MICU1: variants seen among roughly 807,000 people sequenced by gnomAD.
MICU1 encodes the protein mitochondrial calcium uptake 1, also known as calcium uptake protein 1, mitochondrial.
In MICU1, 45 loss-of-function variants were observed where a neutral mutation model predicts 56.8. The observed-to-expected ratio is 0.79, with a 90% CI of 0.62 to 1.02. MICU1 has a LOEUF of 1.02. Among genes scored for constraint, MICU1 ranks in the 50% least tolerant of loss-of-function variants. MICU1 has a pLI of 0.00. For missense variants in MICU1, 504 were observed against 587.1 expected, an observed-to-expected ratio of 0.86 and a Z score of 1.46; for synonymous variants, 186 against 195.1, an observed-to-expected ratio of 0.95 and a Z score of 0.39.
chr10:72,421,016 A>AAT (rs780940697), intron 9 of MICU1, among the ~76,000 whole-genome samples: 32,807 of 121,970 alleles, frequency 0.27, 5,836 homozygotes, highest in Non-Finnish European at 0.42. Flanking sequence ...AAAAAAAAAA[A>AAT]AATAATAATA....
At chr10:72,542,683 A>C (rs1839802830) in intron 4 of MICU1, among the ~76,000 whole-genome samples, 1 of 152,234 alleles carries the variant, frequency 6.6e-6, no homozygotes, top group Non-Finnish European at 1.5e-5. Flanking sequence ...TTAACAGCTC[A>C]GCGGGCCCTC....
intron 8 of MICU1, among the ~76,000 whole-genome samples, chr10:72,433,372 G>A (rs1364932240): frequency 4.0e-5 from 6 of 151,080 alleles, no homozygotes; most frequent in South Asian, 2.1e-4. Flanking sequence ...TCAGTCTCCC[G>A]AGTAGCTGGG....
At chr10:72,575,294 T>C (rs543748855) in intron 1 of MICU1, among the ~76,000 whole-genome samples, 5 of 152,350 alleles carry the variant, frequency 3.3e-5, no homozygotes, top group African/African-American at 7.2e-5. Flanking sequence ...AAGTGATTCA[T>C]CCTAATATCT....
chr10:72,557,576 G>A (rs1323790657), intron 3 of MICU1, among the ~76,000 whole-genome samples: 2 of 152,166 alleles, frequency 1.3e-5, no homozygotes, highest in African/African-American at 4.8e-5. Flanking sequence ...AATGTTAAAA[G>A]AATGCAGTAT....
At chr10:72,458,364 T>G (rs1362464380) in intron 8 of MICU1, among the ~76,000 whole-genome samples, 1 of 152,200 alleles carries the variant, frequency 6.6e-6, no homozygotes, top group East Asian at 1.9e-4. Flanking sequence ...CCTTAATTTC[T>G]GACATGTGCT....
At position 72,512,100 on chromosome 10, in the gene MICU1, G is replaced by GTTTTTTTTTTTTTTTTTTTTTTTTTTTTT. The variant is rs1199987987; in HGVS notation, c.538-3832_538-3831insAAAAAAAAAAAAAAAAAAAAAAAAAAAAA. Among the ~76,000 whole-genome samples the GTTTTTTTTTTTTTTTTTTTTTTTTTTTTT allele has an allele frequency of 1.8e-4, 15 of 82,338 alleles. 4 individuals carry two copies. The highest frequency in any genetic ancestry group is 5.8e-4 in the African/African-American group (10 of 17,244). 54.0% of individuals were successfully genotyped at this position (82,338 alleles called of 152,430 possible). On this transcript the variant is annotated intron_variant, in intron 5 of 11. Transcript: ENST00000361114. ...ATCAATCTGGCATCCATACACAGTT[G>GTTTTTTTTTTTTTTTTTTTTTTTTTTTTT]TTTTTTGTTTTTTTTTTTTTTTTTT... is the stretch of plus-strand genomic sequence containing the variant.
chr10:72,611,433 G>A (rs1368163487), intron 1 of MICU1, among the ~76,000 whole-genome samples: 2 of 151,896 alleles, frequency 1.3e-5, no homozygotes, highest in South Asian at 2.1e-4. Context: ...CCAACATGGC[G>A]AAACCCCGTC....
At chr10:72,449,147 C>T (rs1865215599) in intron 8 of MICU1, among the ~76,000 whole-genome samples, 1 of 152,148 alleles carries the variant, frequency 6.6e-6, no homozygotes, top group Admixed American at 6.6e-5. Context: ...CCTGAAATCC[C>T]AGCACTTTGG....
Position 72,374,808 on chromosome 10 carries a change from C to CTTTTTT in MICU1, c.1270+969_1270+974dup, listed in dbSNP as rs34228174. Among the ~76,000 whole-genome samples, 26 of 77,226 alleles carry CTTTTTT rather than the reference C, an allele frequency of 3.4e-4. 2 individuals carry two copies. The highest frequency in any genetic ancestry group is 1.2e-3 in the African/African-American group (24 of 19,288). The allele number at this position is 77,226 out of a possible 152,430, so 50.7% of individuals were successfully genotyped here. A position where few individuals can be genotyped will look rare whatever the true frequency, so the allele number is the denominator to read the frequency against. On this transcript the variant is annotated intron_variant, in intron 11 of 11. Coordinates refer to ENST00000361114, the MANE Select transcript of MICU1 (RefSeq NM_001195518.2). ...TCCTGGTTTTGCCATCTACTATTAT[C>CTTTTTT]TTTTTTTTTTTTTTTTTTTTTTTTT...
chr10:72,445,043 T>C (rs955646564), intron 8 of MICU1, among the ~76,000 whole-genome samples: 1 of 152,182 alleles, frequency 6.6e-6, no homozygotes, highest in African/African-American at 2.4e-5. Flanking sequence ...GCTACAAAGC[T>C]CCATTTGCTC....
At chr10:72,435,680 C>T (rs1864688219) in intron 8 of MICU1, among the ~76,000 whole-genome samples, 1 of 152,240 alleles carries the variant, frequency 6.6e-6, no homozygotes, top group Non-Finnish European at 1.5e-5. Context: ...CGGGACACTC[C>T]TGCCCAAATA....
intron 9 of MICU1, among the ~76,000 whole-genome samples, chr10:72,416,509 C>T (rs1215708880): frequency 1.3e-5 from 2 of 151,954 alleles, no homozygotes; most frequent in Non-Finnish European, 2.9e-5. Context: ...AAGGAGAGCT[C>T]GCATATATTA....
intron 1 of MICU1, among the ~76,000 whole-genome samples, chr10:72,587,402 G>C (rs910089303): frequency 2.0e-5 from 3 of 149,392 alleles, no homozygotes; most frequent in African/African-American, 7.5e-5. Flanking sequence ...AGGAGTTTGA[G>C]GTTATAGTGA....
chr10:72,477,376 G>T, intron 6 of MICU1, 120 bp from the exon 7 acceptor site: 1 of 1,170,460 alleles, frequency 8.5e-7, no homozygotes, highest in Non-Finnish European at 1.2e-6. Context: ...AAGTGACTGA[G>T]TCAAAGTCTC....
At chr10:72,568,734 G>A (rs1398579400) in intron 1 of MICU1, among the ~76,000 whole-genome samples, 1 of 149,482 alleles carries the variant, frequency 6.7e-6, no homozygotes, top group East Asian at 2.0e-4. Context: ...ATAATTACTG[G>A]GAAGTTCTTA....
intron 10 of MICU1, among the ~76,000 whole-genome samples, chr10:72,395,992 C>T (rs1214426171): frequency 6.6e-6 from 1 of 152,232 alleles, no homozygotes; most frequent in Non-Finnish European, 1.5e-5. Flanking sequence ...GTCTCTGACC[C>T]CTGTGTAGCC....
chr10:72,567,167 A>C (rs144583375), intron 1 of MICU1, among the ~76,000 whole-genome samples: 6 of 152,136 alleles, frequency 3.9e-5, no homozygotes, highest in South Asian at 2.1e-4. Flanking sequence ...TGGACAACAT[A>C]GTAGGACCCC....
intron 5 of MICU1, among the ~76,000 whole-genome samples, chr10:72,518,493 G>A (rs1465999396): frequency 6.6e-6 from 1 of 151,974 alleles, no homozygotes; most frequent in Non-Finnish European, 1.5e-5. Context: ...TATAAAAGTT[G>A]AAAGAAATAG....
chr10:72,441,725 T>C (rs1864940779), intron 8 of MICU1, among the ~76,000 whole-genome samples: 2 of 151,422 alleles, frequency 1.3e-5, no homozygotes, highest in Non-Finnish European at 1.5e-5. Flanking sequence ...CAAGTGATTC[T>C]TGTGCCTCAG....
Sources: gnomAD v4.1 joint callset for allele counts (sites outside exome capture counted in the v4.1 genomes callset) on GRCh38, gnomAD v4.1.1 for gene constraint, MANE v1.5 for transcripts, NCBI Gene and HGNC (gene_info 2026-07-23, HGNC 2026-07-21) for gene names.